RBFOX1: variants seen among roughly 807,000 people sequenced by gnomAD.
RBFOX1 encodes RNA binding protein fox-1 homolog 1.
In RBFOX1, 8 loss-of-function variants were observed where a neutral mutation model predicts 57.7. The ratio of observed to expected loss-of-function variants is 0.14; its 90% CI spans 0.08 to 0.25. RBFOX1 has a LOEUF of 0.25. RBFOX1 is among the 10% of genes least tolerant of loss of function. RBFOX1 has a pLI of 1.00. For missense variants in RBFOX1, 611 were observed against 548.5 expected, an observed-to-expected ratio of 1.11 and a Z score of -1.14; for synonymous variants, 326 against 222.4, an observed-to-expected ratio of 1.47 and a Z score of -4.15.
At chr16:6,602,045 G>A (rs1432809524) in intron 2 of RBFOX1, among the ~76,000 whole-genome samples, 2 of 152,084 alleles carry the variant, frequency 1.3e-5, no homozygotes, top group Non-Finnish European at 2.9e-5. Flanking sequence ...GAGAACAAAG[G>A]CGTCCTATTT....
intron 3 of RBFOX1, among the ~76,000 whole-genome samples, chr16:6,684,035 C>A (rs947010705): frequency 1.3e-5 from 2 of 152,182 alleles, no homozygotes; most frequent in Non-Finnish European, 2.9e-5. Flanking sequence ...GTGTGAACAG[C>A]AACCTGTGGG....
At chr16:6,738,093 A>AAAG (rs1232894631) in intron 3 of RBFOX1, among the ~76,000 whole-genome samples, 1 of 149,880 alleles carries the variant, frequency 6.7e-6, no homozygotes, top group African/African-American at 2.4e-5. Flanking sequence ...AAAAAAAAAA[A>AAAG]GTCAGGCATT....
chr16:5,815,780 C>G (rs571617543), intron 3 of RBFOX1, among the ~76,000 whole-genome samples: 6 of 152,296 alleles, frequency 3.9e-5, no homozygotes, highest in Admixed American at 3.3e-4. Flanking sequence ...TTTATTATCC[C>G]TTCTCAGGAA....
intron 2 of RBFOX1, among the ~76,000 whole-genome samples, chr16:5,485,758 C>T (rs1200113907): frequency 6.6e-6 from 1 of 152,334 alleles, no homozygotes; most frequent in East Asian, 1.9e-4. Context: ...CCGTCCAGAA[C>T]TTCAAAAGTG....
chr16:6,651,349 G>A (rs1305093162), intron 2 of RBFOX1, among the ~76,000 whole-genome samples: 2 of 150,992 alleles, frequency 1.3e-5, no homozygotes, highest in Non-Finnish European at 1.5e-5. Context: ...CTTTAAAGAC[G>A]TCCCATTGAT....
At chr16:6,956,862 G>A (rs938497169) in intron 3 of RBFOX1, among the ~76,000 whole-genome samples, 2 of 152,096 alleles carry the variant, frequency 1.3e-5, no homozygotes, top group African/African-American at 4.8e-5. Context: ...GGTATTCAAG[G>A]TGACTTCTTT....
intron 1 of RBFOX1, among the ~76,000 whole-genome samples, chr16:6,180,271 G>GT (rs71404594): frequency 0.038 from 5,838 of 151,706 alleles, 174 homozygotes; most frequent in African/African-American, 0.084. Context: ...TTTATGTGAA[G>GT]TTTTTTTTGC....
chr16:6,694,176 G>A lies in RBFOX1; in HGVS notation c.-16+39526G>A, dbSNP rs558796301. Reference sequence around the variant, plus strand: ...AACTGTTGGAGTTTTCCTTGTTCCTGCTAAATAATCCCTTTAGGGCAACTT... The same window carrying A: ...AACTGTTGGAGTTTTCCTTGTTCCTACTAAATAATCCCTTTAGGGCAACTT... On this transcript the variant is annotated intron_variant, in intron 3 of 15. Transcript: ENST00000550418. 1.1e-4 allele frequency among the ~76,000 whole-genome samples: 16 copies of A among 152,232 alleles called. No homozygotes were observed. The South Asian group carries it at 3.1e-3, about 30-fold the overall frequency.
intron 3 of RBFOX1, among the ~76,000 whole-genome samples, chr16:5,698,002 C>G (rs571438410): frequency 1.2e-4 from 19 of 152,268 alleles, no homozygotes; most frequent in Non-Finnish European, 2.1e-4. Flanking sequence ...GTTATATGCT[C>G]TCCCCCTTAA....
At chr16:6,847,050 C>A (rs999490307) in intron 3 of RBFOX1, among the ~76,000 whole-genome samples, 1 of 152,110 alleles carries the variant, frequency 6.6e-6, no homozygotes, top group African/African-American at 2.4e-5. Flanking sequence ...AGATTCATTT[C>A]TGCCTCTCTT....
chr16:7,000,886 G>A (rs759022576), intron 3 of RBFOX1, among the ~76,000 whole-genome samples: 4 of 152,126 alleles, frequency 2.6e-5, no homozygotes, highest in Non-Finnish European at 4.4e-5. Context: ...ACAGGCGTGA[G>A]CCACCGCACC....
At chr16:5,553,718 T>C (rs574644004) in intron 2 of RBFOX1, among the ~76,000 whole-genome samples, 11 of 150,308 alleles carry the variant, frequency 7.3e-5, no homozygotes, top group African/African-American at 1.0e-4. Context: ...TGTGTGTATA[T>C]ACACATATAT....
chr16:6,848,807 C>G (rs943646561), intron 3 of RBFOX1, among the ~76,000 whole-genome samples: 1 of 152,146 alleles, frequency 6.6e-6, no homozygotes, highest in Admixed American at 6.5e-5. Flanking sequence ...GTTTCACACT[C>G]ATGGAGGAGC....
intron 2 of RBFOX1, among the ~76,000 whole-genome samples, chr16:5,598,346 G>A (rs2047255740): frequency 6.6e-6 from 1 of 152,122 alleles, no homozygotes; most frequent in African/African-American, 2.4e-5. Context: ...CTGGGACGAG[G>A]AGTCCACACT....
At chr16:6,632,684 T>A (rs1270822988) in intron 2 of RBFOX1, among the ~76,000 whole-genome samples, 1 of 152,232 alleles carries the variant, frequency 6.6e-6, no homozygotes, top group Non-Finnish European at 1.5e-5. Context: ...GCGAAGGCCT[T>A]CTTTGGCTGA....
chr16:5,437,395 T>C (rs372864672), intron 1 of RBFOX1, among the ~76,000 whole-genome samples: 1 of 152,168 alleles, frequency 6.6e-6, no homozygotes, highest in East Asian at 1.9e-4. Context: ...TAAAGAGACC[T>C]TGAACCAGAG....
chr16:5,422,738 A>G, intron 1 of RBFOX1, among the ~76,000 whole-genome samples: 1 of 104,450 alleles, frequency 9.6e-6, no homozygotes, highest in Admixed American at 9.6e-5. Flanking sequence ...GGGAGCAGGG[A>G]AAGGGATGGG....
At chr16:6,106,407 A>T (rs1298611601) in intron 1 of RBFOX1, among the ~76,000 whole-genome samples, 2 of 149,504 alleles carry the variant, frequency 1.3e-5, no homozygotes, top group Admixed American at 1.3e-4. Flanking sequence ...GGGAGGTTGT[A>T]GTAAGCCAAG....
chr16:7,141,975 TTCTTCTCCA>T (rs1026940701), intron 4 of RBFOX1, among the ~76,000 whole-genome samples: 40 of 150,282 alleles, frequency 2.7e-4, no homozygotes, highest in African/African-American at 9.4e-4. Context: ...TTCCTTCTCC[TTCTTCTCCA>T]TCTTCTCCTT....
Sources: gnomAD v4.1 joint callset for allele counts (sites outside exome capture counted in the v4.1 genomes callset) on GRCh38, gnomAD v4.1.1 for gene constraint, MANE v1.5 for transcripts, NCBI Gene and HGNC (gene_info 2026-07-23, HGNC 2026-07-21) for gene names.